SLC28A3: variants seen among roughly 807,000 people sequenced by gnomAD.
SLC28A3 encodes concentrative Na(+)-nucleoside cotransporter 3.
In SLC28A3, 68 loss-of-function variants were observed where a neutral mutation model predicts 84.2. That is an observed-to-expected ratio of 0.81 (90% CI 0.66 to 0.99). The LOEUF (loss-of-function observed/expected upper bound fraction) is 0.99. SLC28A3 is among the 50% of genes least tolerant of loss of function. The probability of loss-of-function intolerance (pLI) is 0.00; values close to 1 mark genes in which losing one functional copy is unlikely to be tolerated. For synonymous variants in SLC28A3, 267 were observed against 303.6 expected (o/e 0.88, Z 1.25); for missense variants, 712 against 841.5 (o/e 0.85, Z 1.90).
intron 3 of SLC28A3, among the ~76,000 whole-genome samples, chr9:84,306,259 A>G (rs1825785398): frequency 6.6e-6 from 1 of 152,240 alleles, no homozygotes; most frequent in African/African-American, 2.4e-5. Context: ...CTCCTCCCGT[A>G]TAGATGATTC....
At chr9:84,367,454 C>T in the SLC28A3 span, among the ~76,000 whole-genome samples, 1 of 152,164 alleles carries the variant, frequency 6.6e-6, no homozygotes, top group Non-Finnish European at 1.5e-5. Flanking sequence ...TGAAGGGGTC[C>T]TGCCCCTCCA....
chr9:84,350,443 A>AAAAT, the SLC28A3 span, among the ~76,000 whole-genome samples: 39 of 151,516 alleles, frequency 2.6e-4, no homozygotes, highest in Middle Eastern at 3.4e-3. Flanking sequence ...CCAGGTCTCA[A>AAAAT]AAATAAATAA....
chr9:84,283,258 G>A (rs928955612), intron 14 of SLC28A3, among the ~76,000 whole-genome samples: 18 of 152,242 alleles, frequency 1.2e-4, no homozygotes, highest in African/African-American at 3.6e-4. Flanking sequence ...GAGATGCACC[G>A]TACTAGAAAA....
chr9:84,351,025 A>G, the SLC28A3 span, among the ~76,000 whole-genome samples: 4 of 152,130 alleles, frequency 2.6e-5, no homozygotes, highest in African/African-American at 9.7e-5. Flanking sequence ...TACCTTATAA[A>G]TGTTCTCATT....
At chr9:84,355,492 A>G in the SLC28A3 span, among the ~76,000 whole-genome samples, 1 of 152,164 alleles carries the variant, frequency 6.6e-6, no homozygotes, top group East Asian at 1.9e-4. Context: ...TTTACTATAC[A>G]TGGGTCCACC....
chr9:84,296,211 C>T (rs944711452), intron 8 of SLC28A3, among the ~76,000 whole-genome samples: 3 of 152,162 alleles, frequency 2.0e-5, no homozygotes, highest in Non-Finnish European at 4.4e-5. Context: ...TCAGAGATGG[C>T]TGAGTTATCT....
At chr9:84,337,300 G>A (rs1267038904) in intron 1 of SLC28A3, among the ~76,000 whole-genome samples, 1 of 151,934 alleles carries the variant, frequency 6.6e-6, no homozygotes, top group Non-Finnish European at 1.5e-5. Flanking sequence ...CCATATCTAG[G>A]GGGCAGTTGA....
chr9:84,346,091 C>A, the SLC28A3 span, among the ~76,000 whole-genome samples: 1 of 152,206 alleles, frequency 6.6e-6, no homozygotes, highest in South Asian at 2.1e-4. Flanking sequence ...GAATTATTTT[C>A]ATTGCGTTGT....
chr9:84,288,262 A>G (rs1825076819), intron 11 of SLC28A3, 84 bp from the exon 12 acceptor site: 3 of 1,578,598 alleles, frequency 1.9e-6, no homozygotes, highest in Middle Eastern at 1.8e-4. Flanking sequence ...TCCGCAAGGG[A>G]AGAAACAGGG....
chr9:84,301,877 G>A (rs1005357467), intron 5 of SLC28A3, among the ~76,000 whole-genome samples: 1 of 152,126 alleles, frequency 6.6e-6, no homozygotes, highest in African/African-American at 2.4e-5. Context: ...TTCCTAATAC[G>A]TAGGCATGGA....
At chr9:84,328,188 C>CACAT (rs1826639141) in intron 1 of SLC28A3, among the ~76,000 whole-genome samples, 1 of 150,670 alleles carries the variant, frequency 6.6e-6, no homozygotes. Context: ...CACACACACA[C>CACAT]ACACATATTC....
the SLC28A3 span, among the ~76,000 whole-genome samples, chr9:84,368,223 T>C: frequency 9.2e-5 from 14 of 152,154 alleles, no homozygotes; most frequent in African/African-American, 2.7e-4. Flanking sequence ...TGCAAACATA[T>C]TGTTAACAAA....
At position 84,278,032 on chromosome 9, in the gene SLC28A3, G is replaced by A; in HGVS notation, c.*186C>T. ...TCTTGGTGGGGAAGGGGCTGGTGGG[G>A]AGGGAGGGGAGGAGGAAAATGTTGT... is the stretch of plus-strand genomic sequence containing the variant. On this transcript the variant is annotated 3_prime_UTR_variant, in exon 18 of 18. Transcript: ENST00000376238. The A allele has an allele frequency of 1.4e-6, 1 of 693,020 alleles. No individual in the cohort carries two copies. The highest frequency in any genetic ancestry group is 2.3e-6 in the Non-Finnish European group (1 of 438,074). 42.9% of individuals were successfully genotyped at this position (693,020 alleles called of 1,614,324 possible). A position where few individuals can be genotyped will look rare whatever the true frequency, so the allele number is the denominator to read the frequency against.
intron 2 of SLC28A3, among the ~76,000 whole-genome samples, chr9:84,310,822 T>C (rs906919123): frequency 1.3e-5 from 2 of 152,208 alleles, no homozygotes; most frequent in African/African-American, 4.8e-5. Flanking sequence ...TTTATTTATT[T>C]CTATCTAATT....
chr9:84,357,619 C>T, the SLC28A3 span, among the ~76,000 whole-genome samples: 2 of 152,018 alleles, frequency 1.3e-5, no homozygotes, highest in Admixed American at 1.3e-4. Context: ...ATGCTTAGCA[C>T]CATCTCAGCA....
At chr9:84,279,045 G>T (rs1379279279) in intron 17 of SLC28A3, among the ~76,000 whole-genome samples, 4 of 152,000 alleles carry the variant, frequency 2.6e-5, no homozygotes, top group East Asian at 3.9e-4. Flanking sequence ...CAGAGTGAAA[G>T]GTGGTTAGAA....
chr9:84,315,441 C>T (rs1826136663), intron 1 of SLC28A3, among the ~76,000 whole-genome samples: 1 of 152,186 alleles, frequency 6.6e-6, no homozygotes, highest in Non-Finnish European at 1.5e-5. Flanking sequence ...AGCTTCTTGA[C>T]GTTGATTCCT....
the SLC28A3 span, among the ~76,000 whole-genome samples, chr9:84,367,456 G>C: frequency 3.1e-3 from 476 of 152,284 alleles, no homozygotes; most frequent in African/African-American, 0.011. Flanking sequence ...AAGGGGTCCT[G>C]CCCCTCCACA....
intron 4 of SLC28A3, among the ~76,000 whole-genome samples, chr9:84,303,676 T>G (rs1825703830): frequency 6.6e-6 from 1 of 152,166 alleles, no homozygotes; most frequent in African/African-American, 2.4e-5. Context: ...CCTCTTGATA[T>G]GAGACCGCTG....
Sources: allele counts gnomAD v4.1 joint callset (sites outside exome capture counted in the v4.1 genomes callset), GRCh38; gene constraint gnomAD v4.1.1; transcripts MANE v1.5; gene names NCBI Gene and HGNC (gene_info 2026-07-23, HGNC 2026-07-21).